Variants in PDE2A observed in about 807,000 individuals in gnomAD.
The protein encoded by PDE2A is phosphodiesterase 2A.
PDE2A carries 53 observed loss-of-function variants against 133.6 expected under a neutral mutation model. That is an observed-to-expected ratio of 0.40 (90% confidence interval 0.32 to 0.50). PDE2A has a LOEUF of 0.50. Ranked by LOEUF, PDE2A falls within the 20% of genes least tolerant of loss-of-function variation. PDE2A has a pLI of 0.73. For synonymous variants in PDE2A, 491 were observed against 490.2 expected, an observed-to-expected ratio of 1.00 and a Z score of -0.02; for missense variants, 796 against 1,232.4, an observed-to-expected ratio of 0.65 and a Z score of 5.30.
chr11:72,640,013 A>C (rs1025783374), intron 2 of PDE2A, among the ~76,000 whole-genome samples: 2 of 151,860 alleles, frequency 1.3e-5, no homozygotes, highest in African/African-American at 4.8e-5. Context: ...ACAGTCCTCA[A>C]CACCCCCAAC....
Position 72,598,803 on chromosome 11 carries a change from T to G in PDE2A, c.324-1184A>C, listed in dbSNP as rs1020004036. On this transcript the variant is annotated intron_variant, in intron 4 of 30. Coordinates refer to ENST00000334456, the MANE Select transcript of PDE2A (RefSeq NM_002599.5). ...ACGCAGCATTCTGAACCAAACCCAT[T>G]CCTTCCTGGCCACTTTAAGTAATCC... 1.0e-5 allele frequency: 10 copies of G among 985,178 alleles called. No individual in the cohort carries two copies. The Admixed American group carries it at 5.5e-4, about 55-fold the overall frequency. 61.0% of individuals were successfully genotyped at this position (985,178 alleles called of 1,614,324 possible). A position where few individuals can be genotyped will look rare whatever the true frequency, so the allele number is the denominator to read the frequency against.
At position 72,581,437 on chromosome 11, in the gene PDE2A, G is replaced by A. The variant is rs1032057878; in HGVS notation, c.1965C>T (p.Tyr655=). The A allele has an allele frequency of 2.5e-6, 4 of 1,608,894 alleles. No individual in the cohort carries two copies. The African/African-American group carries it at 4.0e-5, about 16-fold the overall frequency. Residue 655 remains tyrosine (Y), a synonymous_variant, in exon 23 of 31, where the codon TAC becomes TAT. Transcript: ENST00000334456. ...MVKKGYRDPP[Y]HNWMHAFSVS... ...CAGAAAAGGCGTGCATCCAGTTGTGGTAGGGGGGATCCCGGTAGCCCTTCT... is the reference window on the plus strand; with the variant it reads ...CAGAAAAGGCGTGCATCCAGTTGTGATAGGGGGGATCCCGGTAGCCCTTCT...
intron 1 of PDE2A, among the ~76,000 whole-genome samples, chr11:72,649,598 A>G (rs1012870782): frequency 6.6e-6 from 1 of 152,160 alleles, no homozygotes; most frequent in Non-Finnish European, 1.5e-5. Context: ...ACAAAACATG[A>G]TTGTCTCAGG....
chr11:72,652,322 G>C (rs1854762883), intron 1 of PDE2A, among the ~76,000 whole-genome samples: 1 of 152,128 alleles, frequency 6.6e-6, no homozygotes, highest in African/African-American at 2.4e-5. Context: ...ATGTTGCCCA[G>C]GCTGATCTGG....
chr11:72,611,202 C>G (rs1234360928), intron 2 of PDE2A, among the ~76,000 whole-genome samples: 1 of 152,158 alleles, frequency 6.6e-6, no homozygotes, highest in Non-Finnish European at 1.5e-5. Flanking sequence ...GGGAGAAATT[C>G]TTCAAAGCCA....
Position 72,590,500 on chromosome 11 carries a change from C to T in PDE2A, c.630G>A (p.Pro210=), listed in dbSNP as rs1856194853. 6.6e-7 allele frequency: 1 copy of T among 1,513,716 alleles called. No individual in the cohort carries two copies. The highest frequency in any genetic ancestry group is 8.8e-7 in the Non-Finnish European group (1 of 1,135,596). 93.8% of individuals were successfully genotyped at this position (1,513,716 alleles called of 1,614,324 possible). A position where few individuals can be genotyped will look rare whatever the true frequency, so the allele number is the denominator to read the frequency against. The change falls in exon 8 of 31, where the codon CCG becomes CCA. Residue 210 remains proline, a synonymous_variant. Coordinates refer to ENST00000334456, the MANE Select transcript of PDE2A (RefSeq NM_002599.5). The surrounding 1 kb of genome is among the most constrained non-coding windows in gnomAD (Gnocchi z 4.8). The part of the protein sequence containing the change: ...REAPRAVQNP[P]EGTAEDQKGG... The stretch of plus-strand genomic sequence containing the variant: ...CCTTCTGGTCTTCCGCCGTCCCCTC[C>T]GGGGGGTTCTGGACGGCTCGGGGAG...
intron 1 of PDE2A, among the ~76,000 whole-genome samples, chr11:72,656,568 C>A (rs1452906988): frequency 2.0e-5 from 3 of 152,144 alleles, no homozygotes; most frequent in African/African-American, 7.2e-5. Flanking sequence ...CTCACCTCCA[C>A]CCCACTCCCA....
chr11:72,594,945 C>T (rs1375818636), intron 6 of PDE2A, among the ~76,000 whole-genome samples: 1 of 152,086 alleles, frequency 6.6e-6, no homozygotes, highest in Non-Finnish European at 1.5e-5. Flanking sequence ...AAGGCAGAGT[C>T]GGCTCCAGCA....
chr11:72,618,164 G>A (rs1857570604), intron 2 of PDE2A, among the ~76,000 whole-genome samples: 1 of 152,190 alleles, frequency 6.6e-6, no homozygotes. Flanking sequence ...AGGGCTCGTG[G>A]TCACCTTACC....
rs1591009738 is a variant in PDE2A, at chr11:72,579,732, G to A, written c.2182-124C>T. The stretch of plus-strand genomic sequence containing the variant: ...CCAGGTCAGCAGAGCAGTCAGAAAG[G>A]GGGAGTCAGGGGCCCCAGTTCCCTT... On this transcript the variant is annotated intron_variant, in intron 25 of 30. Coordinates refer to ENST00000334456, the MANE Select transcript of PDE2A (RefSeq NM_002599.5). 11 of 662,700 alleles carry A rather than the reference G, an allele frequency of 1.7e-5. No individual in the cohort carries two copies. The East Asian group carries it at 2.8e-4, about 17-fold the overall frequency. 41.1% of individuals were successfully genotyped at this position (662,700 alleles called of 1,614,324 possible).
chr11:72,605,102 T>G, intron 4 of PDE2A, 36 bp downstream of exon 4: 1 of 1,386,630 alleles, frequency 7.2e-7, no homozygotes, highest in Non-Finnish European at 1.0e-6. Flanking sequence ...TCCTTGGCCA[T>G]GCAAGAGGGC....
At chr11:72,611,373 C>T (rs116374635) in intron 2 of PDE2A, among the ~76,000 whole-genome samples, 1,536 of 152,220 alleles carry the variant, frequency 0.01, 23 homozygotes, top group African/African-American at 0.035. Flanking sequence ...GCTCAGCACC[C>T]GATCCCCAGC....
intron 2 of PDE2A, among the ~76,000 whole-genome samples, chr11:72,624,213 C>G (rs1857931190): frequency 6.6e-6 from 1 of 152,066 alleles, no homozygotes; most frequent in African/African-American, 2.4e-5. Context: ...GAACTCCTGA[C>G]CTCAGGTGAT....
Position 72,577,333 on chromosome 11 carries a change from A to C in PDE2A, c.*51T>G. On this transcript the variant is annotated 3_prime_UTR_variant, in exon 31 of 31. Transcript: ENST00000334456. Reference sequence around the variant, plus strand: ...TGTTCCCAGTGCATCTGGCCAGACCAGTGGAGGGCTGTGGGAGGTGGCCTG... The same window carrying C: ...TGTTCCCAGTGCATCTGGCCAGACCCGTGGAGGGCTGTGGGAGGTGGCCTG... The C allele has an allele frequency of 7.0e-7, 1 of 1,419,244 alleles. No homozygotes were observed. The highest frequency in any genetic ancestry group is 9.8e-7 in the Non-Finnish European group (1 of 1,016,652). 87.9% of individuals were successfully genotyped at this position (1,419,244 alleles called of 1,614,324 possible).
intron 1 of PDE2A, among the ~76,000 whole-genome samples, chr11:72,642,737 G>C (rs1859015902): frequency 6.6e-6 from 1 of 150,544 alleles, no homozygotes; most frequent in African/African-American, 2.4e-5. Context: ...CTGTCTGATC[G>C]CACCCTGTTT....
chr11:72,624,047 A>G (rs1857924068), intron 2 of PDE2A, among the ~76,000 whole-genome samples: 1 of 149,416 alleles, frequency 6.7e-6, no homozygotes, highest in African/African-American at 2.5e-5. Flanking sequence ...GCTGGAGTGC[A>G]ATGGCTCAAT....
chr11:72,589,317 A>C, intron 11 of PDE2A, 77 bp from the exon 12 acceptor site: 1 of 1,084,784 alleles, frequency 9.2e-7, no homozygotes, highest in Non-Finnish European at 1.4e-6. Flanking sequence ...CCACCCTCAA[A>C]TCTGGAAGTT....
intron 1 of PDE2A, among the ~76,000 whole-genome samples, chr11:72,660,552 G>A (rs937689088): frequency 6.6e-6 from 1 of 152,262 alleles, no homozygotes; most frequent in South Asian, 2.1e-4. Flanking sequence ...AATCCTCATG[G>A]CTGCCCTAAT....
chr11:72,582,561 G>A lies in PDE2A; in HGVS notation c.1734C>T (p.Ser578=), dbSNP rs776910306. Residue 578 remains serine (S), a synonymous_variant, in exon 21 of 31, where the codon TCC becomes TCT. Transcript: ENST00000334456. ...NEMMMYHMKV[S]DDEYTKLLHD... The stretch of plus-strand genomic sequence containing the variant: ...GGAGAAGTTTGGTATACTCATCATC[G>A]GAGACCTAGAGGAGACCAGCCAGAG... The A allele has an allele frequency of 2.2e-5, 36 of 1,612,070 alleles. No individual in the cohort carries two copies. Among genetic ancestry groups the A allele is most frequent in the East Asian group, 8.9e-5 (4 of 44,838 alleles).
Sources: allele counts gnomAD v4.1 joint callset (sites outside exome capture counted in the v4.1 genomes callset), GRCh38; gene constraint gnomAD v4.1.1; non-coding constraint Gnocchi (gnomAD v3.1); transcripts MANE v1.5; gene names NCBI Gene and HGNC (gene_info 2026-07-23, HGNC 2026-07-21).